Variants in ABCC5 observed in about 807,000 individuals in gnomAD.
The protein encoded by ABCC5 is ATP binding cassette subfamily C member 5.
In ABCC5, 61 loss-of-function variants were observed where a neutral mutation model predicts 160.9. The ratio of observed to expected loss-of-function variants is 0.38; its 90% CI spans 0.31 to 0.47. The LOEUF (loss-of-function observed/expected upper bound fraction) is 0.47. Ranked by LOEUF, ABCC5 falls within the 20% of genes least tolerant of loss-of-function variation. The pLI, the probability that ABCC5 is intolerant of heterozygous loss-of-function variation, is 0.99. For missense variants in ABCC5, 1,308 were observed against 1,813.3 expected, an observed-to-expected ratio of 0.72 and a Z score of 5.06; for synonymous variants, 666 against 700.6, an observed-to-expected ratio of 0.95 and a Z score of 0.78.
intron 26 of ABCC5, among the ~76,000 whole-genome samples, chr3:183,930,627 C>T (rs1283200555): frequency 6.6e-6 from 1 of 152,182 alleles, no homozygotes; most frequent in African/African-American, 2.4e-5. Context: ...ACTGGGAGGG[C>T]ATCATGTGAC....
rs760225008 is a variant in ABCC5, at chr3:183,987,933, C to T, written c.444-16G>A. The T allele has an allele frequency of 8.1e-6, 13 of 1,612,338 alleles. No individual in the cohort carries two copies. Among genetic ancestry groups the T allele is most frequent in the Middle Eastern group, 1.7e-4 (1 of 5,848 alleles). On this transcript the variant is annotated splice_polypyrimidine_tract_variant and intron_variant, in intron 4 of 29. Coordinates refer to ENST00000334444, the MANE Select transcript of ABCC5 (RefSeq NM_005688.4). The surrounding 1 kb of genome is among the most constrained non-coding windows in gnomAD (Gnocchi z 4.2). ...TCTCTCTAGTCTTAACAAGGGCACA[C>T]GTCCTCGTTACACATCTCCTCGGGG... is the stretch of plus-strand genomic sequence containing the variant.
intron 26 of ABCC5, among the ~76,000 whole-genome samples, chr3:183,929,786 G>GT (rs1187557618): frequency 6.6e-6 from 1 of 151,996 alleles, no homozygotes; most frequent in Non-Finnish European, 1.5e-5. Context: ...TAATTTTTGT[G>GT]TTTTTTGTAG....
chr3:183,966,461 AG>A (rs1717227332), intron 12 of ABCC5, among the ~76,000 whole-genome samples: 2 of 152,262 alleles, frequency 1.3e-5, no homozygotes, highest in Non-Finnish European at 2.9e-5. Context: ...TGCCAGAGAC[AG>A]GGTTGCCAGG....
intron 25 of ABCC5, among the ~76,000 whole-genome samples, chr3:183,939,105 T>C (rs1714032813): frequency 6.6e-6 from 1 of 152,206 alleles, no homozygotes; most frequent in Non-Finnish European, 1.5e-5. Context: ...TGAGATCATA[T>C]CAGAAATGCA....
intron 16 of ABCC5, among the ~76,000 whole-genome samples, chr3:183,960,211 CAT>C (rs1324464304): frequency 1.3e-5 from 2 of 152,162 alleles, no homozygotes; most frequent in African/African-American, 4.8e-5. Flanking sequence ...ACAGGATAAA[CAT>C]AAGCTTTTCC....
chr3:183,923,266 G>A (rs1712184560), intron 29 of ABCC5, among the ~76,000 whole-genome samples: 1 of 151,972 alleles, frequency 6.6e-6, no homozygotes, highest in Admixed American at 6.6e-5. Context: ...GAGTGAATGG[G>A]CTCCCCACTC....
At chr3:183,998,180 G>A (rs916029438) in intron 2 of ABCC5, among the ~76,000 whole-genome samples, 1 of 152,008 alleles carries the variant, frequency 6.6e-6, no homozygotes, top group Non-Finnish European at 1.5e-5. Context: ...GGGGTTACAG[G>A]ATTAAAAAAA....
rs1331040942 is a variant in ABCC5 at position 183,921,501 on chromosome 3, A to C, written c.4213-100T>G. On this transcript the variant is annotated intron_variant, in intron 29 of 29. Transcript: ENST00000334444. This position sits in a 1 kb window ranked among gnomAD's most constrained non-coding sequence, Gnocchi z 4.1. ...AAGTGCCAGTGCCCTCTGAGGGTAG[A>C]ATCTGGGGACAATTCAACTAGCCCT... The C allele has an allele frequency of 1.0e-5, 11 of 1,085,740 alleles. No homozygotes were observed. The highest frequency in any genetic ancestry group is 4.3e-4 in the Middle Eastern group (2 of 4,650). 67.3% of individuals were successfully genotyped at this position (1,085,740 alleles called of 1,614,324 possible). A position where few individuals can be genotyped will look rare whatever the true frequency, so the allele number is the denominator to read the frequency against.
chr3:184,014,336 A>G lies in ABCC5; in HGVS notation c.57T>C (p.Ser19=), dbSNP rs1245398465. The G allele has an allele frequency of 1.9e-6, 3 of 1,613,906 alleles. No homozygotes were observed. In the African/African-American group the frequency reaches 4.0e-5, roughly 22 times the overall value. The change falls in exon 2 of 30, where the codon AGT becomes AGC. Residue 19 remains serine, a synonymous_variant. Coordinates refer to ENST00000334444, the MANE Select transcript of ABCC5 (RefSeq NM_005688.4). The stretch of plus-strand genomic sequence containing the variant: ...CAGAAGTGCTGGTTCTCTCCCTCAC[A>G]CTTCTATACCCAGGACTGGGGATGA... ...EYIIPSPGYR[S]VRERTSTSGT... is the part of the protein sequence containing the mutation.
At chr3:183,973,204 G>C (rs1475027518) in intron 10 of ABCC5, among the ~76,000 whole-genome samples, 1 of 151,586 alleles carries the variant, frequency 6.6e-6, no homozygotes, top group African/African-American at 2.4e-5. Context: ...ACAGGTGCCC[G>C]CCACCACGCC....
chr3:183,940,425 A>T (rs535332817), intron 25 of ABCC5, among the ~76,000 whole-genome samples: 1 of 135,956 alleles, frequency 7.4e-6, no homozygotes, highest in African/African-American at 2.8e-5. Flanking sequence ...GCACCACTGC[A>T]CTCTAGCCTG....
At chr3:184,005,437 G>C (rs1355116102) in intron 2 of ABCC5, among the ~76,000 whole-genome samples, 1 of 152,050 alleles carries the variant, frequency 6.6e-6, no homozygotes, top group African/African-American at 2.4e-5. Context: ...TTAAAAGGGG[G>C]GCAGGGAGGA....
In ABCC5 at chr3:183,981,856, T is replaced by G; in HGVS notation, c.1018A>C (p.Thr340Pro). The G allele has an allele frequency of 6.2e-7, 1 of 1,600,074 alleles. No individual in the cohort carries two copies. The highest frequency in any genetic ancestry group is 8.5e-7 in the Non-Finnish European group (1 of 1,176,414). Residue 340 changes from threonine (T) to proline (P), a missense_variant, in exon 8 of 30, where the codon ACA (threonine) becomes CCA (proline). Coordinates refer to ENST00000334444, the MANE Select transcript of ABCC5 (RefSeq NM_005688.4). Reference sequence around the variant, plus strand: ...ACGCATTTTCTCCTGAAATATGCTGTGAGCCGTGATGCAAACATCTGAAAG... The same window carrying G: ...ACGCATTTTCTCCTGAAATATGCTGGGAGCCGTGATGCAAACATCTGAAAG... ...YPAMMFASRLTAYFRRKCVAA... is the reference protein window; with the variant it reads ...YPAMMFASRLPAYFRRKCVAA...
chr3:183,935,754 G>C (rs1004856397), intron 26 of ABCC5, among the ~76,000 whole-genome samples: 2 of 151,760 alleles, frequency 1.3e-5, no homozygotes, highest in Middle Eastern at 3.4e-3. Context: ...CGCCCACCTA[G>C]CCCTCCCAAA....
chr3:183,933,997 A>G (rs1291257488), intron 26 of ABCC5, among the ~76,000 whole-genome samples: 1 of 152,124 alleles, frequency 6.6e-6, no homozygotes, highest in South Asian at 2.1e-4. Context: ...TAGGCTTTCT[A>G]TCTTCTAACT....
chr3:183,978,644 G>T lies in ABCC5; in HGVS notation c.1155C>A (p.Arg385=). 6.2e-7 allele frequency: 1 copy of T among 1,612,586 alleles called. No individual in the cohort carries two copies. The highest frequency in any genetic ancestry group is 8.5e-7 in the Non-Finnish European group (1 of 1,179,586). ...TTTCCAATATCCGACGCTCCTCCTCGCGGATTTCTATGAATAAAAAGCAAG... is the reference window on the plus strand; with the variant it reads ...TTTCCAATATCCGACGCTCCTCCTCTCGGATTTCTATGAATAAAAAGCAAG... ...KAFSQSVQKI[R]EEERRILEKA... The change falls in exon 9 of 30, where the codon CGC becomes CGA. Residue 385 remains arginine, a synonymous_variant. Coordinates refer to ENST00000334444, the MANE Select transcript of ABCC5 (RefSeq NM_005688.4).
chr3:184,004,822 CCAAA>C (rs1231542326), intron 2 of ABCC5, among the ~76,000 whole-genome samples: 1 of 152,130 alleles, frequency 6.6e-6, no homozygotes, highest in Admixed American at 6.5e-5. Context: ...CTTAAAAAAG[CCAAA>C]CAATTATAAG....
At chr3:184,004,940 G>A (rs914349274) in intron 2 of ABCC5, among the ~76,000 whole-genome samples, 1 of 152,126 alleles carries the variant, frequency 6.6e-6, no homozygotes, top group Non-Finnish European at 1.5e-5. Context: ...ATCCTTTTTA[G>A]CGAGATTTGC....
Position 183,951,302 on chromosome 3 carries a change from A to G in ABCC5, c.2944+139T>C, listed in dbSNP as rs892306640. ...AAACAAGACAGAAAATGCAGTTGCA[A>G]TGTTCCTGGTGAAAACACCAGCAGT... On this transcript the variant is annotated intron_variant, in intron 20 of 29. Transcript: ENST00000334444. This position sits in a 1 kb window ranked among gnomAD's most constrained non-coding sequence, Gnocchi z 4.7. 2 of 1,135,892 alleles carry G rather than the reference A, an allele frequency of 1.8e-6. No homozygotes were observed. Among genetic ancestry groups the G allele is most frequent in the African/African-American group, 1.6e-5 (1 of 64,130 alleles). The allele number at this position is 1,135,892 out of a possible 1,614,324, so 70.4% of individuals were successfully genotyped here.
Sources: gnomAD v4.1 joint callset for allele counts (sites outside exome capture counted in the v4.1 genomes callset) on GRCh38, gnomAD v4.1.1 for gene constraint, Gnocchi (gnomAD v3.1) non-coding constraint, MANE v1.5 for transcripts, NCBI Gene and HGNC (gene_info 2026-07-23, HGNC 2026-07-21) for gene names.